The following CDK15 variants were observed in gnomAD, a reference collection of about 807,000 sequenced individuals.
CDK15 encodes cyclin dependent kinase 15.
A neutral mutation model predicts 60.3 loss-of-function variants in CDK15; 62 were observed. The observed-to-expected ratio is 1.03, with a 90% CI of 0.84 to 1.27. CDK15 has a LOEUF of 1.27. Among genes scored for constraint, CDK15 ranks in the 50% most tolerant of loss-of-function variants. The probability of loss-of-function intolerance (pLI) is 0.00; values close to 1 mark genes in which losing one functional copy is unlikely to be tolerated. For synonymous variants in CDK15, 194 were observed against 195.7 expected (o/e 0.99, Z 0.07); for missense variants, 541 against 527.8 (o/e 1.03, Z -0.25).
At chr2:201,810,407 C>A (rs1053470897) in intron 3 of CDK15, among the ~76,000 whole-genome samples, 6 of 151,134 alleles carry the variant, frequency 4.0e-5, no homozygotes, top group Non-Finnish European at 7.4e-5. Flanking sequence ...GAAAAGCCAA[C>A]CCACATGATA....
Position 201,835,640 on chromosome 2 carries a change from C to A in CDK15, c.731-3C>A, listed in dbSNP as rs774479572. ...GGGTTTTATGCTTTTCCCTTTTGGA[C>A]AGGTCTTGCCCGGGCCAAGTCCATT... is the stretch of plus-strand genomic sequence containing the variant. On this transcript the variant is annotated splice_polypyrimidine_tract_variant and splice_region_variant and intron_variant, in intron 7 of 13. Transcript: ENST00000652192. 1.2e-6 allele frequency: 2 copies of A among 1,602,068 alleles called. No individual in the cohort carries two copies. The highest frequency in any genetic ancestry group is 1.7e-6 in the Non-Finnish European group (2 of 1,172,248).
intron 6 of CDK15, among the ~76,000 whole-genome samples, chr2:201,826,847 C>A (rs1434955017): frequency 1.3e-5 from 2 of 152,152 alleles, no homozygotes; most frequent in African/African-American, 2.4e-5. Flanking sequence ...GATGTGAATA[C>A]CAGATACATA....
At chr2:201,872,365 T>C (rs13419220) in intron 11 of CDK15, 39 bp downstream of exon 11, 25 of 1,329,726 alleles carry the variant, frequency 1.9e-5, no homozygotes, top group Non-Finnish European at 2.3e-5. Context: ...AAGGGATCTT[T>C]AAGCAGGATT....
intron 6 of CDK15, 76 bp downstream of exon 6, chr2:201,823,803 A>G (rs1339638847): frequency 4.8e-6 from 6 of 1,261,742 alleles, no homozygotes; most frequent in Non-Finnish European, 5.8e-6. Context: ...TGTCTCACAA[A>G]GCAAAGTCCT....
chr2:201,878,260 T>C (rs1699154701), intron 11 of CDK15, among the ~76,000 whole-genome samples: 1 of 152,288 alleles, frequency 6.6e-6, no homozygotes, highest in Admixed American at 6.5e-5. Flanking sequence ...TGTAAGTAAA[T>C]GGGAAACATG....
At chr2:201,859,574 C>T (rs555098491) in intron 10 of CDK15, among the ~76,000 whole-genome samples, 1 of 152,242 alleles carries the variant, frequency 6.6e-6, no homozygotes, top group East Asian at 1.9e-4. Flanking sequence ...TCGAAGTAGT[C>T]ATAAGCACCC....
chr2:201,873,795 G>A (rs547598560), intron 11 of CDK15, among the ~76,000 whole-genome samples: 70 of 152,344 alleles, frequency 4.6e-4, no homozygotes, highest in African/African-American at 1.5e-3. Flanking sequence ...GCTTACGCCT[G>A]TAATCCCAGC....
intron 8 of CDK15, among the ~76,000 whole-genome samples, chr2:201,843,635 A>G (rs1458359365): frequency 1.3e-5 from 2 of 152,060 alleles, no homozygotes; most frequent in Non-Finnish European, 2.9e-5. Context: ...ACATACACAC[A>G]CTATATACAT....
At chr2:201,829,651 C>A (rs1209330649) in intron 6 of CDK15, among the ~76,000 whole-genome samples, 2 of 151,994 alleles carry the variant, frequency 1.3e-5, no homozygotes, top group East Asian at 3.9e-4. Context: ...ATTTTGAAAT[C>A]ATCAGAATAC....
At chr2:201,867,268 T>C (rs1351439843) in intron 10 of CDK15, among the ~76,000 whole-genome samples, 7 of 152,190 alleles carry the variant, frequency 4.6e-5, no homozygotes, top group Non-Finnish European at 1.0e-4. Flanking sequence ...GACCCTGCCC[T>C]CTTTGCTAGA....
chr2:201,830,761 A>T (rs937170433), intron 6 of CDK15, among the ~76,000 whole-genome samples: 1 of 152,242 alleles, frequency 6.6e-6, no homozygotes, highest in African/African-American at 2.4e-5. Context: ...GGATGGCATT[A>T]AAATCCAAGG....
chr2:201,844,611 T>C (rs1354341179), intron 8 of CDK15, among the ~76,000 whole-genome samples: 2 of 152,204 alleles, frequency 1.3e-5, no homozygotes, highest in Non-Finnish European at 2.9e-5. Flanking sequence ...CTGATCAAAA[T>C]TCTTGTGTCA....
At chr2:201,872,866 A>T (rs1463612006) in intron 11 of CDK15, among the ~76,000 whole-genome samples, 1 of 152,198 alleles carries the variant, frequency 6.6e-6, no homozygotes, top group Non-Finnish European at 1.5e-5. Context: ...GCTAAGAAGA[A>T]CTCAGTGTTT....
chr2:201,840,912 G>A (rs1377987513), intron 8 of CDK15, among the ~76,000 whole-genome samples: 1 of 152,064 alleles, frequency 6.6e-6, no homozygotes, highest in Non-Finnish European at 1.5e-5. Flanking sequence ...TCTTCCATTT[G>A]TGAATTCATG....
chr2:201,851,529 T>C (rs1256151824), intron 9 of CDK15, among the ~76,000 whole-genome samples: 1 of 152,120 alleles, frequency 6.6e-6, no homozygotes, highest in Non-Finnish European at 1.5e-5. Context: ...AGGGCATTCA[T>C]CTCTGTCCTT....
At chr2:201,892,912 C>T (rs924462125) in intron 13 of CDK15, among the ~76,000 whole-genome samples, 4 of 152,162 alleles carry the variant, frequency 2.6e-5, no homozygotes, top group African/African-American at 7.2e-5. Flanking sequence ...TTCAAAATGT[C>T]GGTTTCAGGC....
chr2:201,855,238 C>A (rs899114862), intron 10 of CDK15, among the ~76,000 whole-genome samples: 1 of 152,178 alleles, frequency 6.6e-6, no homozygotes, highest in African/African-American at 2.4e-5. Flanking sequence ...AAGAACAACT[C>A]AAAAGATGGG....
chr2:201,880,259 C>G, intron 12 of CDK15, 92 bp downstream of exon 12: 1 of 1,444,050 alleles, frequency 6.9e-7, no homozygotes, highest in Non-Finnish European at 9.4e-7. Flanking sequence ...TGCCTCAGCA[C>G]CGGAGAATCA....
chr2:201,860,409 CTG>C (rs1398140738), intron 10 of CDK15, among the ~76,000 whole-genome samples: 1 of 152,220 alleles, frequency 6.6e-6, no homozygotes, highest in Non-Finnish European at 1.5e-5. Context: ...CATTTTATTC[CTG>C]TCTCTTTGAT....
Sources: allele counts gnomAD v4.1 joint callset (sites outside exome capture counted in the v4.1 genomes callset), GRCh38; gene constraint gnomAD v4.1.1; transcripts MANE v1.5; gene names NCBI Gene and HGNC (gene_info 2026-07-23, HGNC 2026-07-21).